Variants in MARCHF1 observed in about 807,000 individuals in gnomAD.
MARCHF1 encodes the protein E3 ubiquitin-protein ligase MARCHF1.
MARCHF1 carries 40 observed loss-of-function variants against 54.2 expected under a neutral mutation model. The observed-to-expected ratio is 0.74, with a 90% CI of 0.57 to 0.96. MARCHF1 has a LOEUF of 0.96. MARCHF1 is among the 40% of genes least tolerant of loss of function. The pLI is 0.00. For synonymous variants in MARCHF1, 236 were observed against 236.3 expected (o/e 1.00, Z 0.01); for missense variants, 586 against 656.5 (o/e 0.89, Z 1.17).
At chr4:164,346,647 T>TCC in intron 1 of MARCHF1, among the ~76,000 whole-genome samples, 1 of 34,600 alleles carries the variant, frequency 2.9e-5, no homozygotes, top group African/African-American at 8.0e-5. Context: ...TATATATATA[T>TCC]ATATATATAT....
chr4:164,076,901 A>G (rs1449625246), intron 2 of MARCHF1, among the ~76,000 whole-genome samples: 1 of 152,198 alleles, frequency 6.6e-6, no homozygotes, highest in Non-Finnish European at 1.5e-5. Context: ...AAATGGAAAA[A>G]CATTCCATGC....
chr4:164,138,992 C>G (rs893834758), intron 1 of MARCHF1, among the ~76,000 whole-genome samples: 1 of 152,166 alleles, frequency 6.6e-6, no homozygotes, highest in Non-Finnish European at 1.5e-5. Context: ...TAACTACTCA[C>G]TTGGCTTCTT....
Position 163,817,316 on chromosome 4 carries a change from TACATATAC to T in MARCHF1, c.111+36697_111+36704del, listed in dbSNP as rs572861622. 3.1e-3 allele frequency among the ~76,000 whole-genome samples: 464 copies of T among 150,226 alleles called. 3 individuals carry two copies. The highest frequency in any genetic ancestry group is 0.011 in the African/African-American group (442 of 41,392). On this transcript the variant is annotated intron_variant, in intron 4 of 9. Transcript: ENST00000514618. ...ACATATACATACATACATATATATG[TACATATAC>T]ACATATACATATATATGTACATATA...
chr4:163,947,702 G>A (rs1752051303), intron 3 of MARCHF1, among the ~76,000 whole-genome samples: 1 of 152,220 alleles, frequency 6.6e-6, no homozygotes, highest in East Asian at 1.9e-4. Context: ...AATAAAATGT[G>A]TGGTGTGTTA....
chr4:164,223,476 A>C (rs932117886), intron 1 of MARCHF1, among the ~76,000 whole-genome samples: 95 of 152,150 alleles, frequency 6.2e-4, no homozygotes, highest in African/African-American at 2.1e-3. Flanking sequence ...TTAGTGGAGA[A>C]GCAAGTGAAA....
chr4:164,337,200 G>A (rs1231137425), intron 1 of MARCHF1, among the ~76,000 whole-genome samples: 4 of 152,178 alleles, frequency 2.6e-5, no homozygotes, highest in African/African-American at 9.7e-5. Flanking sequence ...TCATCACCCT[G>A]CAAAAGTATC....
At chr4:163,719,174 T>TC (rs904894218) in intron 4 of MARCHF1, among the ~76,000 whole-genome samples, 3 of 139,354 alleles carry the variant, frequency 2.2e-5, no homozygotes, top group African/African-American at 5.2e-5. Flanking sequence ...ATGCTTTCCC[T>TC]CCCCCCTCCC....
At chr4:163,762,584 A>AT (rs1052547741) in intron 4 of MARCHF1, among the ~76,000 whole-genome samples, 2 of 152,092 alleles carry the variant, frequency 1.3e-5, no homozygotes, top group African/African-American at 2.4e-5. Flanking sequence ...GTATTCCAGA[A>AT]TTTTTTAGAA....
At chr4:163,613,152 G>T in intron 6 of MARCHF1, 114 bp from the exon 7 acceptor site, 5 of 1,235,456 alleles carry the variant, frequency 4.0e-6, no homozygotes, top group Non-Finnish European at 5.4e-6. Flanking sequence ...GATAAATAAA[G>T]ATCAACTGAA....
chr4:164,269,688 G>A (rs1020948661), intron 1 of MARCHF1, among the ~76,000 whole-genome samples: 3 of 151,774 alleles, frequency 2.0e-5, no homozygotes, highest in Non-Finnish European at 4.4e-5. Flanking sequence ...GCAATTAAAC[G>A]TTCTTTGCAT....
intron 2 of MARCHF1, among the ~76,000 whole-genome samples, chr4:164,056,545 AGT>A (rs1229855716): frequency 2.0e-4 from 30 of 152,242 alleles, no homozygotes; most frequent in Non-Finnish European, 3.4e-4. Flanking sequence ...TTCATGTAAG[AGT>A]GTGTTTCTGG....
At chr4:164,228,882 A>G (rs2111172543) in intron 1 of MARCHF1, among the ~76,000 whole-genome samples, 1 of 152,322 alleles carries the variant, frequency 6.6e-6, no homozygotes, top group South Asian at 2.1e-4. Context: ...GATAATGATC[A>G]CATTGTAGTC....
intron 4 of MARCHF1, among the ~76,000 whole-genome samples, chr4:163,849,515 G>A (rs1380088990): frequency 6.6e-6 from 1 of 152,168 alleles, no homozygotes; most frequent in Non-Finnish European, 1.5e-5. Flanking sequence ...ATGCATTTGT[G>A]ATAGAGGCTG....
intron 1 of MARCHF1, among the ~76,000 whole-genome samples, chr4:164,296,617 C>A (rs1734418103): frequency 6.6e-6 from 1 of 151,880 alleles, no homozygotes; most frequent in Non-Finnish European, 1.5e-5. Flanking sequence ...TGATCTGCCC[C>A]CCTTGGCCTC....
chr4:163,642,077 T>TA (rs754186796), intron 5 of MARCHF1, among the ~76,000 whole-genome samples: 4 of 152,180 alleles, frequency 2.6e-5, no homozygotes, highest in Non-Finnish European at 4.4e-5. Flanking sequence ...CCTGATCTCT[T>TA]AGACAAAATT....
chr4:163,668,955 T>C (rs139349919), intron 5 of MARCHF1, among the ~76,000 whole-genome samples: 2 of 152,254 alleles, frequency 1.3e-5, no homozygotes, highest in Non-Finnish European at 2.9e-5. Flanking sequence ...TTGAGATCCA[T>C]CCATTTCAGT....
intron 2 of MARCHF1, among the ~76,000 whole-genome samples, chr4:164,098,931 C>T (rs569913087): frequency 3.9e-4 from 60 of 152,270 alleles, no homozygotes; most frequent in Admixed American, 3.7e-3. Flanking sequence ...CTCCCGTTGG[C>T]TCTAAAGAAC....
intron 4 of MARCHF1, among the ~76,000 whole-genome samples, chr4:163,737,182 T>TTC (rs1746064248): frequency 1.4e-5 from 1 of 72,058 alleles, no homozygotes; most frequent in Admixed American, 1.3e-4. Flanking sequence ...TTTTTTTTTT[T>TTC]CACATATTAG....
At chr4:164,382,804 C>T (rs1731413027) in intron 1 of MARCHF1, among the ~76,000 whole-genome samples, 1 of 152,170 alleles carries the variant, frequency 6.6e-6, no homozygotes, top group Non-Finnish European at 1.5e-5. Flanking sequence ...GGCGAGACAA[C>T]TCTAAACTAA....
Sources: allele counts gnomAD v4.1 joint callset (sites outside exome capture counted in the v4.1 genomes callset), GRCh38; gene constraint gnomAD v4.1.1; transcripts MANE v1.5; gene names NCBI Gene and HGNC (gene_info 2026-07-23, HGNC 2026-07-21).